The following CSMD1 variants were observed in gnomAD, a reference collection of about 807,000 sequenced individuals.
The protein encoded by CSMD1 is CUB and sushi domain-containing protein 1.
CSMD1 carries 213 observed loss-of-function variants against 417.5 expected under a neutral mutation model. The ratio of observed to expected loss-of-function variants is 0.51; its 90% CI spans 0.46 to 0.57. The LOEUF is 0.57. Among genes scored for constraint, CSMD1 ranks in the 20% least tolerant of loss-of-function variants. The pLI is 0.00. For missense variants in CSMD1, 6,923 were observed against 4,529.7 expected, an observed-to-expected ratio of 1.53 and a Z score of -15.17; for synonymous variants, 2,862 against 1,736.8, an observed-to-expected ratio of 1.65 and a Z score of -16.11.
chr8:3,036,580 C>T (rs1392945659), intron 50 of CSMD1, among the ~76,000 whole-genome samples: 1 of 152,124 alleles, frequency 6.6e-6, no homozygotes, highest in African/African-American at 2.4e-5. Flanking sequence ...CAGTCTAGCA[C>T]TAAAAACCTG....
At chr8:4,810,537 G>A (rs1798837941) in intron 1 of CSMD1, among the ~76,000 whole-genome samples, 2 of 152,162 alleles carry the variant, frequency 1.3e-5, no homozygotes, top group Non-Finnish European at 2.9e-5. Flanking sequence ...GTGTGTGTGT[G>A]TGTGCGCACG....
At chr8:3,665,184 AG>A (rs1563249550) in intron 7 of CSMD1, among the ~76,000 whole-genome samples, 1 of 152,212 alleles carries the variant, frequency 6.6e-6, no homozygotes, top group African/African-American at 2.4e-5. Flanking sequence ...GAACAATATT[AG>A]GTATTTGCAT....
chr8:3,064,648 T>A, intron 49 of CSMD1, among the ~76,000 whole-genome samples: 1 of 152,180 alleles, frequency 6.6e-6, no homozygotes, highest in Non-Finnish European at 1.5e-5. Flanking sequence ...GATAAGAATG[T>A]TGACTACAGT....
At chr8:4,449,385 A>G (rs149966264) in intron 2 of CSMD1, among the ~76,000 whole-genome samples, 7 of 152,310 alleles carry the variant, frequency 4.6e-5, no homozygotes, top group African/African-American at 9.6e-5. Flanking sequence ...GGTGTATAAC[A>G]TAAGAGATAC....
chr8:3,108,142 G>A (rs553806188), intron 44 of CSMD1, among the ~76,000 whole-genome samples: 6 of 152,318 alleles, frequency 3.9e-5, no homozygotes, highest in Middle Eastern at 3.4e-3. Context: ...CGTCTGCCCT[G>A]TCCCGTGTCC....
At chr8:4,465,062 C>T (rs182510667) in intron 2 of CSMD1, among the ~76,000 whole-genome samples, 1 of 152,108 alleles carries the variant, frequency 6.6e-6, no homozygotes, top group Non-Finnish European at 1.5e-5. Flanking sequence ...CCGAGCATTT[C>T]AGACTCAGTT....
Position 3,703,751 on chromosome 8 carries a change from A to T in CSMD1, c.1009+4663T>A, listed in dbSNP as rs148392171. 2.2e-4 allele frequency among the ~76,000 whole-genome samples: 34 copies of T among 152,200 alleles called. No homozygotes were observed. The East Asian group carries it at 5.8e-3, about 26-fold the overall frequency. On this transcript the variant is annotated intron_variant, in intron 7 of 69. Coordinates refer to ENST00000635120, the MANE Select transcript of CSMD1 (RefSeq NM_033225.6). ...AAAAGCAGGAGTTTGTTTTAAATCT[A>T]TGGCCAGCTATTACATACCTGTATA...
chr8:4,579,619 C>G (rs993793020), intron 2 of CSMD1, among the ~76,000 whole-genome samples: 1 of 152,024 alleles, frequency 6.6e-6, no homozygotes, highest in African/African-American at 2.4e-5. Flanking sequence ...ACCTTGGCCT[C>G]CCAAAGTTCT....
intron 5 of CSMD1, among the ~76,000 whole-genome samples, chr8:3,845,253 C>A (rs922771590): frequency 6.6e-6 from 1 of 152,176 alleles, no homozygotes; most frequent in Non-Finnish European, 1.5e-5. Flanking sequence ...ACATAGTTTG[C>A]TGATTTGTCC....
chr8:3,496,107 G>C (rs887927389), intron 10 of CSMD1, among the ~76,000 whole-genome samples: 1 of 152,074 alleles, frequency 6.6e-6, no homozygotes, highest in Admixed American at 6.6e-5. Flanking sequence ...CTCTCCCTGT[G>C]TTCATGTGTT....
At chr8:3,680,285 A>G (rs982115748) in intron 7 of CSMD1, among the ~76,000 whole-genome samples, 1 of 152,114 alleles carries the variant, frequency 6.6e-6, no homozygotes, top group Non-Finnish European at 1.5e-5. Context: ...TTGATAGACC[A>G]CTAGCAAGAC....
intron 12 of CSMD1, among the ~76,000 whole-genome samples, chr8:3,449,410 C>T (rs1210508372): frequency 6.6e-6 from 1 of 151,870 alleles, no homozygotes; most frequent in African/African-American, 2.4e-5. Flanking sequence ...AGAGGAAACC[C>T]CAGGCTCCCA....
chr8:3,207,646 A>G (rs910452016), intron 30 of CSMD1, among the ~76,000 whole-genome samples: 1 of 152,284 alleles, frequency 6.6e-6, no homozygotes, highest in Admixed American at 6.5e-5. Context: ...TCCCTGCATT[A>G]CAATCGCTTG....
intron 3 of CSMD1, among the ~76,000 whole-genome samples, chr8:4,297,458 G>A (rs188884959): frequency 9.9e-5 from 15 of 152,254 alleles, no homozygotes; most frequent in African/African-American, 2.6e-4. Flanking sequence ...GTTGCTGGGC[G>A]TCCGCAAGCT....
intron 1 of CSMD1, among the ~76,000 whole-genome samples, chr8:4,962,730 G>A (rs1031874675): frequency 2.0e-5 from 3 of 152,162 alleles, no homozygotes; most frequent in Admixed American, 6.5e-5. Context: ...AAGAACGGCA[G>A]GAGAAGCCAG....
At chr8:4,036,997 G>GAC (rs1797656213) in intron 3 of CSMD1, among the ~76,000 whole-genome samples, 1 of 145,782 alleles carries the variant, frequency 6.9e-6, no homozygotes, top group Non-Finnish European at 1.5e-5. Flanking sequence ...GTGTGTGTGT[G>GAC]ATCCTGCCAT....
intron 10 of CSMD1, among the ~76,000 whole-genome samples, chr8:3,555,148 G>C (rs11993899): frequency 0.02 from 3,073 of 151,854 alleles, 107 homozygotes; most frequent in African/African-American, 0.07. Context: ...GCAAAACCTA[G>C]GCCAGAAAAC....
At chr8:3,313,492 C>A (rs1193791827) in intron 23 of CSMD1, among the ~76,000 whole-genome samples, 1 of 152,130 alleles carries the variant, frequency 6.6e-6, no homozygotes, top group African/African-American at 2.4e-5. Flanking sequence ...ATTTATGCAG[C>A]CAAAAGACAC....
intron 8 of CSMD1, among the ~76,000 whole-genome samples, chr8:3,597,957 C>T (rs900352860): frequency 1.3e-5 from 2 of 152,174 alleles, no homozygotes; most frequent in Non-Finnish European, 2.9e-5. Flanking sequence ...GCACGTTGTG[C>T]ACATGTACCC....
Sources: allele counts gnomAD v4.1 joint callset (sites outside exome capture counted in the v4.1 genomes callset), GRCh38; gene constraint gnomAD v4.1.1; transcripts MANE v1.5; gene names NCBI Gene and HGNC (gene_info 2026-07-23, HGNC 2026-07-21).